MARCHF8: variants seen among roughly 807,000 people sequenced by gnomAD.
MARCHF8 encodes E3 ubiquitin-protein ligase MARCHF8.
In MARCHF8, 40 loss-of-function variants were observed where a neutral mutation model predicts 51.6. The ratio of observed to expected loss-of-function variants is 0.77; its 90% CI spans 0.60 to 1.01. MARCHF8 has a LOEUF of 1.01. Ranked by LOEUF, MARCHF8 falls within the 50% of genes least tolerant of loss-of-function variation. MARCHF8 has a pLI of 0.00. For synonymous variants in MARCHF8, 263 were observed against 280.3 expected (o/e 0.94, Z 0.62); for missense variants, 685 against 708.6 (o/e 0.97, Z 0.38).
intron 2 of MARCHF8, among the ~76,000 whole-genome samples, chr10:45,530,100 A>G (rs1276106383): frequency 3.3e-5 from 5 of 152,266 alleles, no homozygotes; most frequent in Non-Finnish European, 7.3e-5. Context: ...TCAGCTATAA[A>G]AAAAGAATGA....
At chr10:45,524,910 A>G (rs1426754746) in intron 2 of MARCHF8, among the ~76,000 whole-genome samples, 1 of 152,236 alleles carries the variant, frequency 6.6e-6, no homozygotes, top group African/African-American at 2.4e-5. Flanking sequence ...GATAATACAG[A>G]GTAGGTTCAA....
At chr10:45,539,586 GAAGAA>G (rs2044022500), upstream of MARCHF8, among the ~76,000 whole-genome samples, 2 of 152,108 alleles carry the variant, frequency 1.3e-5, no homozygotes, top group East Asian at 3.8e-4. Flanking sequence ...GACTAATAAA[GAAGAA>G]AAGACAGAAG....
chr10:45,480,223 A>G (rs2042860715), intron 3 of MARCHF8, among the ~76,000 whole-genome samples: 1 of 152,222 alleles, frequency 6.6e-6, no homozygotes, highest in Non-Finnish European at 1.5e-5. Flanking sequence ...GATGCTGTTA[A>G]AAACATTCAG....
At chr10:45,582,781 G>A (rs2044569507) in intron 1 of MARCHF8, among the ~76,000 whole-genome samples, 1 of 152,156 alleles carries the variant, frequency 6.6e-6, no homozygotes, top group Non-Finnish European at 1.5e-5. Flanking sequence ...CCAAGAATCT[G>A]TATTAAAAAG....
At chr10:45,569,463 T>C (rs2044404525) in intron 1 of MARCHF8, among the ~76,000 whole-genome samples, 1 of 152,208 alleles carries the variant, frequency 6.6e-6, no homozygotes, top group South Asian at 2.1e-4. Context: ...CTTGGTCATG[T>C]TGAATGATCT....
chr10:45,464,258 A>G lies in MARCHF8; in HGVS notation c.223T>C (p.Ser75Pro). Residue 75 changes from serine (S) to proline (P), a missense_variant, in exon 4 of 8, where the codon TCC (serine) becomes CCC (proline). Transcript: ENST00000453424. The stretch of plus-strand genomic sequence containing the variant: ...TGTTACCTGCAGATGTCCTGGCTGG[A>G]TGGCGTGATAGAAGTGCGAGAGAAG... ...SSFSRTSITP[S>P]SQDICSSSAV... is the part of the protein sequence containing the mutation. 1 of 1,614,176 alleles carries G rather than the reference A, an allele frequency of 6.2e-7. No individual in the cohort carries two copies. Among genetic ancestry groups the G allele is most frequent in the Admixed American group, 1.7e-5 (1 of 60,032 alleles).
rs569871637 is a variant in MARCHF8, at chr10:45,459,101, C to T, written c.1417+19G>A. 2.5e-5 allele frequency: 40 copies of T among 1,613,788 alleles called. No individual in the cohort carries two copies. In the East Asian group the frequency reaches 8.7e-4, roughly 35 times the overall value. ...TATCCCGGCCCCCATGCTGAGCTTG[C>T]TCCAGCCTGAGAACTCACCTGTTGC... On this transcript the variant is annotated intron_variant, in intron 7 of 7. Coordinates refer to ENST00000453424, the MANE Select transcript of MARCHF8 (RefSeq NM_001282866.2).
At chr10:45,470,754 G>A (rs969649025) in intron 3 of MARCHF8, among the ~76,000 whole-genome samples, 10 of 152,108 alleles carry the variant, frequency 6.6e-5, no homozygotes, top group Non-Finnish European at 1.0e-4. Flanking sequence ...CGGTCAACTC[G>A]GCAGGCCTGA....
chr10:45,469,854 G>A (rs570808415), intron 3 of MARCHF8, among the ~76,000 whole-genome samples: 6 of 97,154 alleles, frequency 6.2e-5, no homozygotes, highest in Non-Finnish European at 1.1e-4. Flanking sequence ...GACAGAGTGA[G>A]ACTCCGTCTC....
intron 2 of MARCHF8, among the ~76,000 whole-genome samples, chr10:45,491,062 TC>T (rs2043072304): frequency 6.6e-6 from 1 of 152,178 alleles, no homozygotes; most frequent in African/African-American, 2.4e-5. Context: ...TGCCACCATG[TC>T]TGACTAAGTA....
rs188902646 is a variant in MARCHF8, at chr10:45,528,253, G to C, written c.102+4857C>G. Among the ~76,000 whole-genome samples the C allele has an allele frequency of 3.1e-3, 470 of 152,268 alleles. 4 individuals are homozygous for C. Among genetic ancestry groups the C allele is most frequent in the African/African-American group, 0.011 (450 of 41,554 alleles). On this transcript the variant is annotated intron_variant, in intron 2 of 7. Coordinates refer to ENST00000453424, the MANE Select transcript of MARCHF8 (RefSeq NM_001282866.2). ...CAGTACTAAAAGTCCTATCGGGCCA[G>C]AGCAGTAATGCAATAGAAAGAAAGA... is the stretch of plus-strand genomic sequence containing the variant.
chr10:45,583,087 T>A (rs2044573387), intron 1 of MARCHF8, among the ~76,000 whole-genome samples: 3 of 152,126 alleles, frequency 2.0e-5, no homozygotes, highest in Non-Finnish European at 4.4e-5. Flanking sequence ...TAAAAATAGG[T>A]ATTATAACAA....
At position 45,521,149 on chromosome 10, in the gene MARCHF8, T is replaced by C. The variant is rs78734793; in HGVS notation, c.102+11961A>G. ...CCAAAAGTTCTTCATTGAAGAACAA[T>C]TGATGGGGAATGAAGTCACTTTTAT... On this transcript the variant is annotated intron_variant, in intron 2 of 7. Coordinates refer to ENST00000453424, the MANE Select transcript of MARCHF8 (RefSeq NM_001282866.2). 3.8e-3 allele frequency among the ~76,000 whole-genome samples: 576 copies of C among 152,344 alleles called. 7 individuals are homozygous for C. The highest frequency in any genetic ancestry group is 0.013 in the African/African-American group (531 of 41,584).
chr10:45,506,252 G>A (rs2043382308), intron 2 of MARCHF8, among the ~76,000 whole-genome samples: 1 of 152,064 alleles, frequency 6.6e-6, no homozygotes, highest in South Asian at 2.1e-4. Flanking sequence ...GCAAATCTTT[G>A]GAAATGGGAC....
intron 1 of MARCHF8, among the ~76,000 whole-genome samples, chr10:45,591,201 C>G (rs71496625): frequency 6.6e-6 from 1 of 152,194 alleles, no homozygotes; most frequent in Non-Finnish European, 1.5e-5. Context: ...CCAGGTGAAA[C>G]AGACAGCCTT....
chr10:45,491,539 G>A (rs959340897), intron 2 of MARCHF8, among the ~76,000 whole-genome samples: 12 of 152,052 alleles, frequency 7.9e-5, no homozygotes, highest in African/African-American at 2.7e-4. Context: ...GCAAGACTCC[G>A]TATCAACAAC....
intron 1 of MARCHF8, among the ~76,000 whole-genome samples, chr10:45,551,413 T>C (rs2044193182): frequency 6.6e-6 from 1 of 152,238 alleles, no homozygotes; most frequent in Admixed American, 6.5e-5. Flanking sequence ...ATGCAATTTT[T>C]TTTTTTAGGA....
chr10:45,509,002 CTGTTTT>C (rs1451522457), intron 2 of MARCHF8, among the ~76,000 whole-genome samples: 1 of 152,120 alleles, frequency 6.6e-6, no homozygotes, highest in Non-Finnish European at 1.5e-5. Context: ...CTATTTGTTG[CTGTTTT>C]ATTCTGATGT....
intron 3 of MARCHF8, among the ~76,000 whole-genome samples, chr10:45,467,762 G>A (rs984935636): frequency 1.3e-5 from 2 of 151,610 alleles, no homozygotes; most frequent in East Asian, 3.9e-4. Flanking sequence ...CGTGTGAGCC[G>A]GGGGCAGTAC....
Sources: gnomAD v4.1 joint callset for allele counts (sites outside exome capture counted in the v4.1 genomes callset) on GRCh38, gnomAD v4.1.1 for gene constraint, MANE v1.5 for transcripts, NCBI Gene and HGNC (gene_info 2026-07-23, HGNC 2026-07-21) for gene names.